DLGAP2: variants seen among roughly 807,000 people sequenced by gnomAD.
DLGAP2 encodes the protein disks large-associated protein 2.
A neutral mutation model predicts 100.3 loss-of-function variants in DLGAP2; 26 were observed. The observed-to-expected ratio is 0.26, with a 90% CI of 0.19 to 0.36. The LOEUF (loss-of-function observed/expected upper bound fraction) is 0.36, where lower values mean the gene tolerates loss of function less well. Among genes scored for constraint, DLGAP2 ranks in the 10% least tolerant of loss-of-function variants. The pLI is 1.00. For missense variants in DLGAP2, 1,858 were observed against 1,453.2 expected (o/e 1.28, Z -4.53); for synonymous variants, 886 against 630.1 (o/e 1.41, Z -6.08).
intron 2 of DLGAP2, among the ~76,000 whole-genome samples, chr8:1,212,395 C>T (rs547821039): frequency 1.3e-5 from 2 of 152,324 alleles, no homozygotes; most frequent in South Asian, 4.1e-4. Flanking sequence ...CAGGTTATGG[C>T]ACAGATGATG....
At chr8:1,076,638 C>G (rs1803621921) in intron 2 of DLGAP2, among the ~76,000 whole-genome samples, 1 of 152,194 alleles carries the variant, frequency 6.6e-6, no homozygotes, top group African/African-American at 2.4e-5. Context: ...CGTCTCCTTC[C>G]CAGCAGTTGG....
chr8:891,850 G>T (rs543671875), intron 1 of DLGAP2, among the ~76,000 whole-genome samples: 12 of 152,290 alleles, frequency 7.9e-5, no homozygotes, highest in Admixed American at 3.9e-4. Flanking sequence ...CAGCCGAGGA[G>T]GGGGAGGACC....
intron 1 of DLGAP2, among the ~76,000 whole-genome samples, chr8:776,502 A>C (rs80113530): frequency 0.045 from 6,835 of 152,006 alleles, 217 homozygotes; most frequent in Middle Eastern, 0.078. Context: ...CTATAAATTT[A>C]CCTCTACACA....
intron 3 of DLGAP2, among the ~76,000 whole-genome samples, chr8:1,345,986 A>C (rs1170207476): frequency 6.6e-6 from 1 of 152,222 alleles, no homozygotes; most frequent in African/African-American, 2.4e-5. Context: ...AACAGGGTCC[A>C]GACTCTGGCA....
intron 2 of DLGAP2, among the ~76,000 whole-genome samples, chr8:1,023,212 T>C (rs1289391841): frequency 1.3e-5 from 2 of 152,072 alleles, no homozygotes; most frequent in African/African-American, 2.4e-5. Context: ...ACTCAAAGAG[T>C]ATCTGGTCAG....
intron 3 of DLGAP2, among the ~76,000 whole-genome samples, chr8:1,355,438 CA>C (rs1801825527): frequency 6.6e-6 from 1 of 152,132 alleles, no homozygotes; most frequent in South Asian, 2.1e-4. Flanking sequence ...AATCTTGGCT[CA>C]CTGCAACCTC....
At chr8:1,377,241 GC>G (rs1795969873) in intron 3 of DLGAP2, among the ~76,000 whole-genome samples, 1 of 152,248 alleles carries the variant, frequency 6.6e-6, no homozygotes, top group Non-Finnish European at 1.5e-5. Context: ...CCAGGAGGGG[GC>G]TGCTTAATGC....
In DLGAP2 at chr8:1,668,582, G is replaced by C. The variant is rs1563052334; in HGVS notation, c.2064G>C (p.Glu688Asp). 6.3e-7 allele frequency: 1 copy of C among 1,597,088 alleles called. No homozygotes were observed. The highest frequency in any genetic ancestry group is 8.5e-7 in the Non-Finnish European group (1 of 1,172,822). ...ETAAAQRHLP[E>D]SQSSSVRTSD... ...CCGCTGCCCAGCGCCACCTGCCAGA[G>C]AGCCAGAGCAGCTCTGTGCGGACCA... Residue 688 changes from glutamate (E) to aspartate (D), a missense_variant, in exon 9 of 15, where the codon GAG (glutamate) becomes GAC (aspartate). By Grantham distance (45) the Glu-to-Asp change is conservative. Coordinates refer to ENST00000637795, the MANE Select transcript of DLGAP2 (RefSeq NM_001346810.2).
At chr8:1,565,274 C>T (rs373644392) in intron 5 of DLGAP2, among the ~76,000 whole-genome samples, 2 of 150,394 alleles carry the variant, frequency 1.3e-5, no homozygotes, top group East Asian at 2.0e-4. Flanking sequence ...TATAAGTATA[C>T]AATAAGATAG....
chr8:994,400 A>T (rs572120034), intron 2 of DLGAP2, among the ~76,000 whole-genome samples: 1 of 152,098 alleles, frequency 6.6e-6, no homozygotes, highest in South Asian at 2.1e-4. Flanking sequence ...GGTTTTCTCC[A>T]TGTTGGTCAG....
intron 2 of DLGAP2, among the ~76,000 whole-genome samples, chr8:1,170,804 A>G (rs1186690183): frequency 6.8e-6 from 1 of 146,052 alleles, no homozygotes; most frequent in Non-Finnish European, 1.5e-5. Context: ...CTAGCGGTCT[A>G]TCAATTTTGT....
intron 3 of DLGAP2, among the ~76,000 whole-genome samples, chr8:1,382,352 A>G (rs139331975): frequency 4.6e-5 from 7 of 152,348 alleles, no homozygotes; most frequent in South Asian, 2.1e-4. Context: ...TCAGGGTGGC[A>G]GAGGAGGAAG....
At chr8:1,308,716 G>C (rs1800547342) in intron 3 of DLGAP2, among the ~76,000 whole-genome samples, 1 of 152,158 alleles carries the variant, frequency 6.6e-6, no homozygotes. Flanking sequence ...ATAGAAATTA[G>C]GTTTCCCCAT....
chr8:1,683,683 AC>A (rs999566779), intron 12 of DLGAP2, among the ~76,000 whole-genome samples: 5 of 147,730 alleles, frequency 3.4e-5, no homozygotes, highest in Admixed American at 3.3e-4. Flanking sequence ...AGGATGCCAC[AC>A]TCCTGCTCAC....
At chr8:1,233,809 A>C (rs1010357132) in intron 2 of DLGAP2, among the ~76,000 whole-genome samples, 4 of 152,214 alleles carry the variant, frequency 2.6e-5, no homozygotes, top group African/African-American at 9.7e-5. Context: ...AAATGTACCT[A>C]AATATAGAAG....
chr8:1,675,913 G>T (rs1013252855), intron 10 of DLGAP2, among the ~76,000 whole-genome samples: 1 of 151,852 alleles, frequency 6.6e-6, no homozygotes, highest in Admixed American at 6.6e-5. Flanking sequence ...AAGGCTTGTT[G>T]GGTTTGTGGG....
chr8:1,542,372 G>C (rs1801391688), intron 4 of DLGAP2, among the ~76,000 whole-genome samples: 1 of 152,200 alleles, frequency 6.6e-6, no homozygotes, highest in Non-Finnish European at 1.5e-5. Context: ...ACCCCAAAAA[G>C]CAACCCTGTG....
intron 1 of DLGAP2, among the ~76,000 whole-genome samples, chr8:880,814 T>C (rs1377728714): frequency 6.6e-6 from 1 of 152,268 alleles, no homozygotes; most frequent in East Asian, 1.9e-4. Context: ...TGCTCGTTCA[T>C]GGACTCAACG....
intron 4 of DLGAP2, among the ~76,000 whole-genome samples, chr8:1,507,477 C>T (rs1231037175): frequency 6.6e-6 from 1 of 152,170 alleles, no homozygotes; most frequent in African/African-American, 2.4e-5. Context: ...CCACCCAGAA[C>T]TCGCGCTGGC....
Sources: gnomAD v4.1 joint callset for allele counts (sites outside exome capture counted in the v4.1 genomes callset) on GRCh38, gnomAD v4.1.1 for gene constraint, MANE v1.5 for transcripts, NCBI Gene and HGNC (gene_info 2026-07-23, HGNC 2026-07-21) for gene names.